Variants in RBM34 observed in about 807,000 individuals in gnomAD.
RBM34 encodes RNA binding motif protein 34, also known as RNA-binding protein 34.
In RBM34, 39 loss-of-function variants were observed where a neutral mutation model predicts 44.6. The ratio of observed to expected loss-of-function variants is 0.87; its 90% CI spans 0.68 to 1.14. The LOEUF (loss-of-function observed/expected upper bound fraction) is 1.14, where lower values mean the gene tolerates loss of function less well. Among genes scored for constraint, RBM34 ranks in the 50% most tolerant of loss-of-function variants. The pLI, the probability that RBM34 is intolerant of heterozygous loss-of-function variation, is 0.00. For synonymous variants in RBM34, 194 were observed against 184.0 expected, an observed-to-expected ratio of 1.05 and a Z score of -0.44; for missense variants, 572 against 517.9, an observed-to-expected ratio of 1.10 and a Z score of -1.01.
At chr1:235,155,822 C>CATACAT (rs1662387175) in intron 3 of RBM34, among the ~76,000 whole-genome samples, 3 of 64,198 alleles carry the variant, frequency 4.7e-5, no homozygotes, top group African/African-American at 1.2e-4. Flanking sequence ...CATACATATA[C>CATACAT]ATATATATAT....
chr1:235,147,987 G>A lies in RBM34; in HGVS notation c.701+417C>T, dbSNP rs954537497. Among the ~76,000 whole-genome samples, 55 of 152,104 alleles carry A rather than the reference G, an allele frequency of 3.6e-4. 1 individual carries two copies. Among genetic ancestry groups the A allele is most frequent in the Non-Finnish European group, 1.5e-4 (10 of 68,022 alleles). On this transcript the variant is annotated intron_variant, in intron 6 of 10. Coordinates refer to ENST00000408888, the MANE Select transcript of RBM34 (RefSeq NM_015014.4). ...CTGGTAACAAGCCACCACCAGTGTG[G>A]TCCAAAACCCTCAAACAGAGAACGC...
chr1:235,142,684 T>C (rs948977783), intron 6 of RBM34, among the ~76,000 whole-genome samples: 3 of 151,042 alleles, frequency 2.0e-5, no homozygotes, highest in Non-Finnish European at 3.0e-5. Context: ...CCCTAGCACT[T>C]TGGGAGGCAG....
Position 235,154,935 on chromosome 1 carries a change from T to C in RBM34, c.543A>G (p.Leu181=). The part of the protein sequence containing the change: ...KIQINQEEER[L]KNERTVFVGN... ...CAACAAACACAGTTCTCTCATTCTT[T>C]AATCTCTCTTCTTCTTGGTTGATTT... The change falls in exon 4 of 11, where the codon TTA becomes TTG. Residue 181 remains leucine, a synonymous_variant. Coordinates refer to ENST00000408888, the MANE Select transcript of RBM34 (RefSeq NM_015014.4). 1 of 1,614,146 alleles carries C rather than the reference T, an allele frequency of 6.2e-7. No individual in the cohort carries two copies.
intron 5 of RBM34, among the ~76,000 whole-genome samples, chr1:235,149,517 T>C (rs184373160): frequency 1.8e-4 from 27 of 152,162 alleles, no homozygotes; most frequent in African/African-American, 6.5e-4. Flanking sequence ...AAAAGACATA[T>C]CACCTGTATC....
At chr1:235,159,355 G>C (rs914312139) in intron 3 of RBM34, among the ~76,000 whole-genome samples, 8 of 151,850 alleles carry the variant, frequency 5.3e-5, no homozygotes, top group Non-Finnish European at 2.9e-5. Context: ...TTCGAGACCA[G>C]ACTGGTCAAT....
chr1:235,157,486 G>C (rs1662500911), intron 3 of RBM34, among the ~76,000 whole-genome samples: 1 of 152,106 alleles, frequency 6.6e-6, no homozygotes, highest in South Asian at 2.1e-4. Flanking sequence ...GCTCCCAGTG[G>C]AGCATTCTTA....
intron 3 of RBM34, 48 bp from the exon 4 acceptor site, chr1:235,155,160 G>C: frequency 6.8e-7 from 1 of 1,477,318 alleles, no homozygotes; most frequent in Non-Finnish European, 9.3e-7. Flanking sequence ...ATGCCAGTTA[G>C]GTCTAGTATT....
In RBM34 at chr1:235,156,613, C is replaced by T. The variant is rs1272386103; in HGVS notation, c.366-1501G>A. On this transcript the variant is annotated intron_variant, in intron 3 of 10. Transcript: ENST00000408888. ...CTCTTACCAAAAGTAAATTGTGAAA[C>T]GGTAAATACAATATAAAGTATTGCT... is the stretch of plus-strand genomic sequence containing the variant. 9 of 449,692 alleles carry T rather than the reference C, an allele frequency of 2.0e-5. No individual in the cohort carries two copies. In the East Asian group the frequency reaches 2.9e-4, roughly 14 times the overall value. The allele number at this position is 449,692 out of a possible 1,614,324, so 27.9% of individuals were successfully genotyped here.
intron 6 of RBM34, among the ~76,000 whole-genome samples, chr1:235,140,289 G>A (rs957660245): frequency 2.0e-5 from 3 of 152,240 alleles, no homozygotes; most frequent in African/African-American, 7.2e-5. Flanking sequence ...TGTGGAGGGA[G>A]AGGCGCGAGT....
At chr1:235,159,517 C>T (rs1662600915) in intron 3 of RBM34, among the ~76,000 whole-genome samples, 1 of 148,120 alleles carries the variant, frequency 6.8e-6, no homozygotes, top group Admixed American at 6.8e-5. Context: ...CACTGCACTC[C>T]AGCCTTGGCG....
intron 3 of RBM34, among the ~76,000 whole-genome samples, chr1:235,157,836 A>G (rs1430614332): frequency 2.0e-5 from 3 of 152,210 alleles, no homozygotes; most frequent in Non-Finnish European, 4.4e-5. Flanking sequence ...TGCCCATTAC[A>G]TATGAGAGGT....
At chr1:235,133,233 C>A (rs1661286916) in intron 10 of RBM34, among the ~76,000 whole-genome samples, 1 of 152,122 alleles carries the variant, frequency 6.6e-6, no homozygotes, top group Non-Finnish European at 1.5e-5. Flanking sequence ...CCTAGCTACT[C>A]AGGAAGCTGA....
At chr1:235,149,258 G>A (rs896302443) in intron 5 of RBM34, among the ~76,000 whole-genome samples, 8 of 151,692 alleles carry the variant, frequency 5.3e-5, no homozygotes, top group Admixed American at 1.3e-4. Flanking sequence ...ACGTGGTGGC[G>A]GGCGCCTGTA....
intron 6 of RBM34, among the ~76,000 whole-genome samples, chr1:235,145,789 ATTTGT>A (rs770232341): frequency 1.3e-5 from 2 of 151,896 alleles, no homozygotes; most frequent in African/African-American, 2.4e-5. Context: ...CTCCAACATT[ATTTGT>A]TTTGTTTTGA....
chr1:235,139,945 G>A (rs1353882819), intron 6 of RBM34, among the ~76,000 whole-genome samples: 2 of 152,226 alleles, frequency 1.3e-5, no homozygotes, highest in Non-Finnish European at 2.9e-5. Context: ...CAGAAGTCCT[G>A]GAAGCTGCCG....
At chr1:235,159,485 T>G (rs183104856) in intron 3 of RBM34, among the ~76,000 whole-genome samples, 1 of 150,986 alleles carries the variant, frequency 6.6e-6, no homozygotes, top group Non-Finnish European at 1.5e-5. Flanking sequence ...GAGGCGGAGG[T>G]TGCAGTGAGT....
chr1:235,158,428 A>C (rs1003105231), intron 3 of RBM34, among the ~76,000 whole-genome samples: 6 of 151,904 alleles, frequency 3.9e-5, no homozygotes, highest in African/African-American at 1.5e-4. Context: ...AAACAAAAAA[A>C]AAAAACAAAA....
intron 6 of RBM34, among the ~76,000 whole-genome samples, chr1:235,147,812 A>AG (rs1348515392): frequency 1.3e-5 from 2 of 152,196 alleles, no homozygotes; most frequent in African/African-American, 4.8e-5. Context: ...CCATTAAGAG[A>AG]GAAAAACACC....
chr1:235,142,290 T>TA, intron 6 of RBM34, among the ~76,000 whole-genome samples: 1 of 152,054 alleles, frequency 6.6e-6, no homozygotes, highest in African/African-American at 2.4e-5. Flanking sequence ...GCACTTTTTT[T>TA]ATTTTGAGAC....
Sources: allele counts gnomAD v4.1 joint callset (sites outside exome capture counted in the v4.1 genomes callset), GRCh38; gene constraint gnomAD v4.1.1; transcripts MANE v1.5; gene names NCBI Gene and HGNC (gene_info 2026-07-23, HGNC 2026-07-21).